Variants in CSMD1 observed in about 807,000 individuals in gnomAD.
The protein encoded by CSMD1 is CUB and sushi domain-containing protein 1.
A neutral mutation model predicts 417.5 loss-of-function variants in CSMD1; 213 were observed. The observed-to-expected ratio is 0.51, with a 90% confidence interval of 0.46 to 0.57. The LOEUF is 0.57. Among genes scored for constraint, CSMD1 ranks in the 20% least tolerant of loss-of-function variants. The pLI is 0.00. For missense variants in CSMD1, 6,923 were observed against 4,529.7 expected, an observed-to-expected ratio of 1.53 and a Z score of -15.17; for synonymous variants, 2,862 against 1,736.8, an observed-to-expected ratio of 1.65 and a Z score of -16.11.
chr8:3,935,893 G>A (rs953163868), intron 5 of CSMD1, among the ~76,000 whole-genome samples: 2 of 152,186 alleles, frequency 1.3e-5, no homozygotes, highest in African/African-American at 4.8e-5. Flanking sequence ...TATACTTAAA[G>A]ATGAGACAGG....
chr8:4,778,559 G>A (rs563730245), intron 1 of CSMD1, among the ~76,000 whole-genome samples: 16 of 152,240 alleles, frequency 1.1e-4, no homozygotes, highest in Non-Finnish European at 2.2e-4. Context: ...AATACTTCCC[G>A]CTAGGAAGAT....
chr8:4,754,865 G>C lies in CSMD1; in HGVS notation c.86-117307C>G, dbSNP rs563252654. On this transcript the variant is annotated intron_variant, in intron 1 of 69. Transcript: ENST00000635120. Reference sequence around the variant, plus strand: ...CTTAAAAAAACAAAGTCGGATGAGTGTGGTGGTTCACACCTGTAATCCAAG... The same window carrying C: ...CTTAAAAAAACAAAGTCGGATGAGTCTGGTGGTTCACACCTGTAATCCAAG... 2.0e-5 allele frequency among the ~76,000 whole-genome samples: 3 copies of C among 151,406 alleles called. No homozygotes were observed. The South Asian group carries it at 6.3e-4, about 32-fold the overall frequency.
intron 33 of CSMD1, among the ~76,000 whole-genome samples, chr8:3,190,579 A>G (rs1032601645): frequency 6.6e-6 from 1 of 152,188 alleles, no homozygotes; most frequent in Non-Finnish European, 1.5e-5. Context: ...TAATATGGCC[A>G]TCGTGATGTA....
intron 10 of CSMD1, among the ~76,000 whole-genome samples, chr8:3,496,889 T>C (rs142027004): frequency 2.0e-5 from 3 of 152,232 alleles, no homozygotes; most frequent in African/African-American, 7.2e-5. Context: ...TTGGCCTATT[T>C]CTTCATAGAC....
chr8:3,456,386 C>T (rs1456509940), intron 12 of CSMD1, among the ~76,000 whole-genome samples: 6 of 152,104 alleles, frequency 3.9e-5, no homozygotes, highest in Admixed American at 2.6e-4. Context: ...CTTCTGCATC[C>T]CTCACGCTGG....
At chr8:3,388,179 G>C (rs569600504) in intron 17 of CSMD1, among the ~76,000 whole-genome samples, 5 of 152,122 alleles carry the variant, frequency 3.3e-5, no homozygotes, top group South Asian at 4.1e-4. Flanking sequence ...AACTGTGCTA[G>C]TGTTATTTTT....
chr8:3,314,724 T>C (rs568747546), intron 23 of CSMD1, among the ~76,000 whole-genome samples: 5 of 152,336 alleles, frequency 3.3e-5, no homozygotes, highest in African/African-American at 9.6e-5. Flanking sequence ...TACGCAGTCT[T>C]AATATTCTTA....
intron 3 of CSMD1, among the ~76,000 whole-genome samples, chr8:4,268,966 T>C (rs541763057): frequency 6.6e-6 from 1 of 152,362 alleles, no homozygotes; most frequent in African/African-American, 2.4e-5. Context: ...TATCCTTTTA[T>C]TTTTTCAATA....
At chr8:3,012,006 G>C (rs571935790) in intron 52 of CSMD1, among the ~76,000 whole-genome samples, 2 of 152,218 alleles carry the variant, frequency 1.3e-5, no homozygotes, top group African/African-American at 4.8e-5. Flanking sequence ...GGCCTGGGGA[G>C]AGGTGTAGCA....
At chr8:4,822,631 CAA>C (rs959158960) in intron 1 of CSMD1, among the ~76,000 whole-genome samples, 4 of 151,456 alleles carry the variant, frequency 2.6e-5, no homozygotes, top group African/African-American at 9.7e-5. Context: ...TCATAGAAAA[CAA>C]AAAAAGATAC....
At chr8:3,863,015 G>C (rs1010811954) in intron 5 of CSMD1, among the ~76,000 whole-genome samples, 2 of 152,224 alleles carry the variant, frequency 1.3e-5, no homozygotes, top group Admixed American at 6.5e-5. Flanking sequence ...TATCTGGTAA[G>C]ATTTGCTTTG....
chr8:3,311,237 C>T (rs1174615282), intron 23 of CSMD1, among the ~76,000 whole-genome samples: 2 of 152,024 alleles, frequency 1.3e-5, no homozygotes, highest in Non-Finnish European at 2.9e-5. Context: ...GATAGTCCTC[C>T]CCACTACTAA....
intron 3 of CSMD1, among the ~76,000 whole-genome samples, chr8:4,038,818 C>G (rs562296940): frequency 3.9e-5 from 6 of 152,258 alleles, no homozygotes; most frequent in Admixed American, 2.0e-4. Context: ...TGGCAGGTTT[C>G]CACTGGACCC....
At chr8:4,281,460 C>G (rs1301978555) in intron 3 of CSMD1, among the ~76,000 whole-genome samples, 4 of 152,244 alleles carry the variant, frequency 2.6e-5, no homozygotes, top group Admixed American at 1.3e-4. Flanking sequence ...CAATTTGAGA[C>G]TGGCACACTC....
chr8:4,156,118 G>C (rs17069152), intron 3 of CSMD1, among the ~76,000 whole-genome samples: 3,989 of 152,188 alleles, frequency 0.026, 181 homozygotes, highest in African/African-American at 0.09. Flanking sequence ...ATCCGATCCT[G>C]ACATTAAGAG....
chr8:3,960,365 A>G (rs1313447231), intron 5 of CSMD1, among the ~76,000 whole-genome samples: 4 of 152,168 alleles, frequency 2.6e-5, no homozygotes, highest in Admixed American at 6.5e-5. Context: ...TCATCACGCT[A>G]CTACTTAAAA....
chr8:3,828,495 G>C (rs966398853), intron 5 of CSMD1, among the ~76,000 whole-genome samples: 2 of 152,164 alleles, frequency 1.3e-5, no homozygotes, highest in Non-Finnish European at 2.9e-5. Flanking sequence ...ATCTTTATCA[G>C]TGTTTCCCAA....
At chr8:3,265,990 T>G (rs569763080) in intron 26 of CSMD1, among the ~76,000 whole-genome samples, 1 of 152,114 alleles carries the variant, frequency 6.6e-6, no homozygotes, top group South Asian at 2.1e-4. Flanking sequence ...GATGTTCAAA[T>G]GAACTTATCT....
At chr8:4,935,019 C>T (rs1053078055) in intron 1 of CSMD1, among the ~76,000 whole-genome samples, 1 of 152,308 alleles carries the variant, frequency 6.6e-6, no homozygotes, top group East Asian at 1.9e-4. Flanking sequence ...ACATATCTAT[C>T]TAGAACTTAA....
Sources: gnomAD v4.1 joint callset for allele counts (sites outside exome capture counted in the v4.1 genomes callset) on GRCh38, gnomAD v4.1.1 for gene constraint, MANE v1.5 for transcripts, NCBI Gene and HGNC (gene_info 2026-07-23, HGNC 2026-07-21) for gene names.